Variants in PBX3 observed in about 807,000 individuals in gnomAD.
PBX3 encodes PBX homeobox 3.
Under a neutral mutation model 48.5 loss-of-function variants are expected in PBX3, and 14 were observed. The observed-to-expected ratio is 0.29, with a 90% CI of 0.19 to 0.45. The LOEUF (loss-of-function observed/expected upper bound fraction) is 0.45, where lower values mean the gene tolerates loss of function less well. PBX3 is among the 20% of genes least tolerant of loss of function. The pLI is 1.00. For synonymous variants in PBX3, 210 were observed against 200.3 expected, an observed-to-expected ratio of 1.05 and a Z score of -0.41; for missense variants, 386 against 546.7, an observed-to-expected ratio of 0.71 and a Z score of 2.93.
intron 2 of PBX3, among the ~76,000 whole-genome samples, chr9:125,840,030 C>G (rs1464839569): frequency 6.6e-6 from 1 of 152,048 alleles, no homozygotes; most frequent in Non-Finnish European, 1.5e-5. Flanking sequence ...ATTCAGATGC[C>G]TCTTTGTAAA....
chr9:125,929,111 A>G (rs971404268), intron 3 of PBX3, among the ~76,000 whole-genome samples: 10 of 152,228 alleles, frequency 6.6e-5, no homozygotes, highest in Admixed American at 5.9e-4. Flanking sequence ...CGTGAAGCCT[A>G]CAGATGAAAA....
At chr9:125,782,758 T>A (rs542082252) in intron 2 of PBX3, among the ~76,000 whole-genome samples, 1 of 152,330 alleles carries the variant, frequency 6.6e-6, no homozygotes, top group East Asian at 1.9e-4. Flanking sequence ...ACAGTGAAAT[T>A]TCTTGGCTTT....
intron 2 of PBX3, among the ~76,000 whole-genome samples, chr9:125,829,859 C>T (rs971265806): frequency 6.6e-6 from 1 of 152,180 alleles, no homozygotes; most frequent in African/African-American, 2.4e-5. Context: ...CATCCCTTAC[C>T]GACATCTGGA....
chr9:125,838,053 A>C (rs1839189138), intron 2 of PBX3, among the ~76,000 whole-genome samples: 1 of 152,164 alleles, frequency 6.6e-6, no homozygotes, highest in South Asian at 2.1e-4. Flanking sequence ...AGGTTGTACC[A>C]TCTTTTCTTT....
intron 2 of PBX3, among the ~76,000 whole-genome samples, chr9:125,819,051 G>T (rs1461294802): frequency 6.6e-6 from 1 of 151,358 alleles, no homozygotes; most frequent in Non-Finnish European, 1.5e-5. Context: ...GGCCAGGCTA[G>T]TCTCGAACTC....
intron 2 of PBX3, among the ~76,000 whole-genome samples, chr9:125,753,070 T>A (rs1038443216): frequency 1.3e-5 from 2 of 152,172 alleles, no homozygotes; most frequent in African/African-American, 4.8e-5. Context: ...TGGCCAGTCG[T>A]GTTTTCTCTG....
intron 2 of PBX3, among the ~76,000 whole-genome samples, chr9:125,811,261 G>A (rs1343882606): frequency 6.6e-6 from 1 of 152,170 alleles, no homozygotes; most frequent in Non-Finnish European, 1.5e-5. Context: ...CATAGACTGG[G>A]TGGCTTAAAT....
chr9:125,957,975 T>C (rs955219290), intron 5 of PBX3, among the ~76,000 whole-genome samples: 1 of 152,240 alleles, frequency 6.6e-6, no homozygotes, highest in African/African-American at 2.4e-5. Flanking sequence ...TTGGGAAACA[T>C]GAGGTAAGGT....
intron 5 of PBX3, among the ~76,000 whole-genome samples, chr9:125,960,268 C>T (rs940509966): frequency 1.3e-5 from 2 of 152,136 alleles, no homozygotes; most frequent in African/African-American, 4.8e-5. Flanking sequence ...ATACAGCTGC[C>T]AAAATTGTTC....
At chr9:125,827,015 C>G (rs10986960) in intron 2 of PBX3, among the ~76,000 whole-genome samples, 3,060 of 152,222 alleles carry the variant, frequency 0.02, 173 homozygotes, top group East Asian at 0.17. Flanking sequence ...TAACCAATCC[C>G]TCTTTATCCA....
chr9:125,854,747 C>T (rs766766068), intron 2 of PBX3, among the ~76,000 whole-genome samples: 1 of 152,142 alleles, frequency 6.6e-6, no homozygotes, highest in Non-Finnish European at 1.5e-5. Flanking sequence ...GCATTGCAAT[C>T]ATTGTCATTT....
At chr9:125,793,597 T>C (rs1044339456) in intron 2 of PBX3, among the ~76,000 whole-genome samples, 5 of 151,492 alleles carry the variant, frequency 3.3e-5, no homozygotes, top group Non-Finnish European at 7.4e-5. Context: ...ACGCAGCTAA[T>C]TTTCATACTT....
chr9:125,892,698 T>C lies in PBX3; in HGVS notation c.275-22988T>C, dbSNP rs368532315. Among the ~76,000 whole-genome samples the C allele has an allele frequency of 2.6e-5, 4 of 152,342 alleles. No individual in the cohort carries two copies. The East Asian group carries it at 7.7e-4, about 29-fold the overall frequency. On this transcript the variant is annotated intron_variant, in intron 2 of 8. Coordinates refer to ENST00000373489, the MANE Select transcript of PBX3 (RefSeq NM_006195.6). Reference sequence around the variant, plus strand: ...CCCAATCTGTGTTATTCCTTAAAAATGCAGAACTGCCTGAAGTCCTCTTTA... The same window carrying C: ...CCCAATCTGTGTTATTCCTTAAAAACGCAGAACTGCCTGAAGTCCTCTTTA...
intron 2 of PBX3, among the ~76,000 whole-genome samples, chr9:125,870,985 C>T (rs1008815209): frequency 3.3e-5 from 5 of 152,066 alleles, no homozygotes; most frequent in East Asian, 1.9e-4. Context: ...GGCATGTATA[C>T]GTACATACCC....
chr9:125,870,026 C>CTT (rs568310288), intron 2 of PBX3, among the ~76,000 whole-genome samples: 7 of 137,966 alleles, frequency 5.1e-5, no homozygotes, highest in Non-Finnish European at 3.2e-5. Flanking sequence ...AAAGGCACAT[C>CTT]TTTTTTTTTT....
At chr9:125,899,278 TGTATATATATTTATATATAAATATACATA>T (rs1840860799) in intron 2 of PBX3, among the ~76,000 whole-genome samples, 1 of 118,542 alleles carries the variant, frequency 8.4e-6, no homozygotes, top group South Asian at 2.6e-4. Context: ...AATATACATA[TGTATATATATTTATATATAAATATACATA>T]TATGTATATA....
At chr9:125,818,920 C>G (rs1462095511) in intron 2 of PBX3, among the ~76,000 whole-genome samples, 1 of 151,950 alleles carries the variant, frequency 6.6e-6, no homozygotes, top group Non-Finnish European at 1.5e-5. Flanking sequence ...ACTGCAGCCT[C>G]CGTCTCCCAG....
intron 2 of PBX3, among the ~76,000 whole-genome samples, chr9:125,793,110 T>C (rs1470098118): frequency 6.6e-6 from 1 of 151,464 alleles, no homozygotes; most frequent in Non-Finnish European, 1.5e-5. Flanking sequence ...CCCAGCACTT[T>C]GGGAGGCCGA....
intron 2 of PBX3, among the ~76,000 whole-genome samples, chr9:125,806,620 T>G (rs757766475): frequency 6.6e-6 from 1 of 152,284 alleles, no homozygotes; most frequent in South Asian, 2.1e-4. Context: ...AGCCTGTTAA[T>G]ACTGTTGCTT....
Sources: gnomAD v4.1 joint callset for allele counts (sites outside exome capture counted in the v4.1 genomes callset) on GRCh38, gnomAD v4.1.1 for gene constraint, MANE v1.5 for transcripts, NCBI Gene and HGNC (gene_info 2026-07-23, HGNC 2026-07-21) for gene names.